Variants in DGKI observed in about 807,000 individuals in gnomAD.
DGKI encodes the protein DAG kinase iota.
Under a neutral mutation model 147.5 loss-of-function variants are expected in DGKI, and 55 were observed. The observed-to-expected ratio is 0.37, with a 90% CI of 0.30 to 0.47. The LOEUF is 0.47. Among genes scored for constraint, DGKI ranks in the 20% least tolerant of loss-of-function variants. The pLI, the probability that DGKI is intolerant of heterozygous loss-of-function variation, is 1.00. For synonymous variants in DGKI, 469 were observed against 477.1 expected, an observed-to-expected ratio of 0.98 and a Z score of 0.22; for missense variants, 1,007 against 1,323.8, an observed-to-expected ratio of 0.76 and a Z score of 3.71.
At chr7:137,779,432 A>G (rs890137416) in intron 1 of DGKI, among the ~76,000 whole-genome samples, 1 of 152,216 alleles carries the variant, frequency 6.6e-6, no homozygotes, top group African/African-American at 2.4e-5. Context: ...GCAGATAAGT[A>G]AAGATTTCTC....
At chr7:137,497,110 A>C (rs1253168153) in intron 21 of DGKI, among the ~76,000 whole-genome samples, 5 of 101,302 alleles carry the variant, frequency 4.9e-5, no homozygotes, top group African/African-American at 3.3e-4. Context: ...CAAATTTACA[A>C]AAAAAAAAAA....
intron 28 of DGKI, among the ~76,000 whole-genome samples, chr7:137,441,567 C>T (rs1813510400): frequency 1.3e-5 from 2 of 151,808 alleles, no homozygotes; most frequent in African/African-American, 4.8e-5. Flanking sequence ...AGGTAAAGGA[C>T]AAAGCCACTG....
At chr7:137,590,244 G>A (rs543577411) in intron 12 of DGKI, among the ~76,000 whole-genome samples, 86 of 152,328 alleles carry the variant, frequency 5.6e-4, no homozygotes, top group Non-Finnish European at 3.8e-4. Flanking sequence ...CAGGGAGGAA[G>A]AGAGGAGGAA....
intron 20 of DGKI, among the ~76,000 whole-genome samples, chr7:137,529,324 C>T (rs1012378468): frequency 6.6e-6 from 1 of 151,950 alleles, no homozygotes; most frequent in Admixed American, 6.6e-5. Flanking sequence ...CACAGACTTA[C>T]AAAACTTTTT....
At chr7:137,472,396 A>ATGTATATATACATATT (rs1396290321) in intron 23 of DGKI, among the ~76,000 whole-genome samples, 3 of 94,732 alleles carry the variant, frequency 3.2e-5, no homozygotes, top group African/African-American at 1.2e-4. Flanking sequence ...TACATATTAT[A>ATGTATATATACATATT]ATTATTATAT....
chr7:137,801,418 T>C (rs1797202783), intron 1 of DGKI, among the ~76,000 whole-genome samples: 2 of 152,248 alleles, frequency 1.3e-5, no homozygotes, highest in African/African-American at 4.8e-5. Flanking sequence ...ATTACATAGC[T>C]ATAAAGTATA....
rs189695653 is a variant in DGKI at position 137,548,035 on chromosome 7, A to C, written c.2147+4334T>G. Reference sequence around the variant, plus strand: ...AAAGAGAATGAAGAAGGGAGTGATCAAAAAGGTCTGCAAAGCTAAGGAACA... The same window carrying C: ...AAAGAGAATGAAGAAGGGAGTGATCCAAAAGGTCTGCAAAGCTAAGGAACA... On this transcript the variant is annotated intron_variant, in intron 20 of 32. Coordinates refer to ENST00000614521, the MANE Select transcript of DGKI (RefSeq NM_001321708.2). 1.2e-4 allele frequency among the ~76,000 whole-genome samples: 18 copies of C among 152,326 alleles called. No homozygotes were observed. In the East Asian group the frequency reaches 3.5e-3, roughly 29 times the overall value.
chr7:137,505,924 T>C (rs918204842), intron 21 of DGKI, among the ~76,000 whole-genome samples: 3 of 151,676 alleles, frequency 2.0e-5, no homozygotes, highest in African/African-American at 4.9e-5. Flanking sequence ...ACACACCTAA[T>C]AGAATGGCTA....
At chr7:137,645,647 G>T in intron 5 of DGKI, 110 bp from the exon 6 acceptor site, 1 of 958,720 alleles carries the variant, frequency 1.0e-6, no homozygotes. Context: ...GTTCACTGCA[G>T]CCTCGAACTC....
Position 137,458,482 on chromosome 7 carries a change from C to T in DGKI, c.2735+5007G>A, listed in dbSNP as rs542799535. ...TGAGAAAAAGTACAACTCTTTCAGT[C>T]ATTTGGGGGTTTCTTACGAACTACA... On this transcript the variant is annotated intron_variant, in intron 27 of 32. Coordinates refer to ENST00000614521, the MANE Select transcript of DGKI (RefSeq NM_001321708.2). Among the ~76,000 whole-genome samples the T allele has an allele frequency of 7.9e-5, 12 of 152,248 alleles. No individual in the cohort carries two copies. The South Asian group carries it at 2.3e-3, about 29-fold the overall frequency.
At position 137,384,159 on chromosome 7, in the gene DGKI, G is replaced by C. The variant is rs1368595255; in HGVS notation, c.*7061C>G. The stretch of plus-strand genomic sequence containing the variant: ...TATCATCCTAATAGTGACTTCAAAG[G>C]AAGAAAAATAGGACTAACATTTTTT... On this transcript the variant is annotated 3_prime_UTR_variant, in exon 33 of 33. Transcript: ENST00000614521. 1 of 151,906 alleles carries C rather than the reference G, an allele frequency of 6.6e-6. No individual in the cohort carries two copies. The highest frequency in any genetic ancestry group is 2.4e-5 in the African/African-American group (1 of 41,374). The allele number at this position is 151,906 out of a possible 1,614,324, so 9.4% of individuals were successfully genotyped here.
intron 21 of DGKI, among the ~76,000 whole-genome samples, chr7:137,493,518 C>A (rs148114023): frequency 1.9e-3 from 283 of 152,238 alleles, no homozygotes; most frequent in Non-Finnish European, 3.0e-3. Context: ...CCAAAATGAG[C>A]CCACCAGAGT....
chr7:137,519,957 C>T (rs1357578547), intron 21 of DGKI, among the ~76,000 whole-genome samples: 1 of 151,982 alleles, frequency 6.6e-6, no homozygotes, highest in Non-Finnish European at 1.5e-5. Context: ...TTTGGGGTCC[C>T]AAAGACACTG....
intron 23 of DGKI, among the ~76,000 whole-genome samples, chr7:137,479,958 G>T (rs569471126): frequency 6.6e-6 from 1 of 151,896 alleles, no homozygotes; most frequent in South Asian, 2.1e-4. Context: ...CCTCCATCTC[G>T]AACCTACTTT....
chr7:137,741,225 T>C (rs1795163832), intron 1 of DGKI, among the ~76,000 whole-genome samples: 1 of 152,054 alleles, frequency 6.6e-6, no homozygotes, highest in African/African-American at 2.4e-5. Flanking sequence ...TCTTCTTGAT[T>C]TTAATTAGTA....
At chr7:137,735,281 C>T (rs184541313) in intron 1 of DGKI, among the ~76,000 whole-genome samples, 3 of 152,186 alleles carry the variant, frequency 2.0e-5, no homozygotes, top group East Asian at 1.9e-4. Flanking sequence ...GTTTTAGCAA[C>T]GCTAATCTAT....
At chr7:137,522,790 T>C (rs1206562007) in intron 20 of DGKI, among the ~76,000 whole-genome samples, 1 of 152,132 alleles carries the variant, frequency 6.6e-6, no homozygotes, top group South Asian at 2.1e-4. Flanking sequence ...AGTGGAATAA[T>C]TTGGTTTTCA....
chr7:137,422,027 C>T (rs568904642), intron 28 of DGKI, among the ~76,000 whole-genome samples: 1 of 152,254 alleles, frequency 6.6e-6, no homozygotes, highest in East Asian at 1.9e-4. Context: ...GTAAACACAG[C>T]AAAACACCAC....
chr7:137,804,167 A>C (rs1245392571), intron 1 of DGKI, among the ~76,000 whole-genome samples: 1 of 152,164 alleles, frequency 6.6e-6, no homozygotes, highest in African/African-American at 2.4e-5. Flanking sequence ...GATATTGTTA[A>C]ATAGGAAGCA....
Sources: allele counts gnomAD v4.1 joint callset (sites outside exome capture counted in the v4.1 genomes callset), GRCh38; gene constraint gnomAD v4.1.1; transcripts MANE v1.5; gene names NCBI Gene and HGNC (gene_info 2026-07-23, HGNC 2026-07-21).